The following NUMA1 variants were observed in gnomAD, a reference collection of about 807,000 sequenced individuals.
The protein encoded by NUMA1 is nuclear mitotic apparatus protein 1.
NUMA1 carries 62 observed loss-of-function variants against 237.1 expected under a neutral mutation model. That is an observed-to-expected ratio of 0.26 (90% confidence interval 0.21 to 0.32). The LOEUF is 0.32. Among genes scored for constraint, NUMA1 ranks in the 10% least tolerant of loss-of-function variants. NUMA1 has a pLI of 1.00. For synonymous variants in NUMA1, 1,028 were observed against 1,066.1 expected, an observed-to-expected ratio of 0.96 and a Z score of 0.70; for missense variants, 2,533 against 2,666.5, an observed-to-expected ratio of 0.95 and a Z score of 1.10.
intron 26 of NUMA1, 21 bp downstream of exon 26, chr11:72,003,866 C>G: frequency 1.2e-6 from 2 of 1,612,072 alleles, no homozygotes; most frequent in Non-Finnish European, 1.7e-6. Context: ...TTTCCCTCCC[C>G]CATCCTGCCA....
intron 2 of NUMA1, among the ~76,000 whole-genome samples, chr11:72,045,738 C>T (rs770372762): frequency 2.0e-4 from 30 of 152,180 alleles, no homozygotes; most frequent in Non-Finnish European, 4.0e-4. Flanking sequence ...CTTCAGCCTC[C>T]CAAAGTGCTA....
chr11:72,015,898 T>C lies in NUMA1; in HGVS notation c.1605A>G (p.Leu535=). The change falls in exon 15 of 27, where the codon CTA becomes CTG. Residue 535 remains leucine, a synonymous_variant. Coordinates refer to ENST00000393695, the MANE Select transcript of NUMA1 (RefSeq NM_006185.4). The surrounding 1 kb of genome is among the most constrained non-coding windows in gnomAD (Gnocchi z 4.0). ...KQQAKEKQAQ[L]AQTLQQQEQA... ...GTTCTTGCTGTTGGAGGGTCTGTGC[T>C]AGCTGGGCCTGCTTCTCTTTGGCCT... 1.9e-6 allele frequency: 3 copies of C among 1,614,048 alleles called. No homozygotes were observed. The highest frequency in any genetic ancestry group is 1.6e-4 in the Middle Eastern group (1 of 6,062).
chr11:72,008,699 G>T lies in NUMA1; in HGVS notation c.5205C>A (p.Leu1735=). ...GGCTGCCTCCTGACCTGGTGATACTGAGTGGGGTCCCCTCCTCGCAGCTCA... is the reference window on the plus strand; with the variant it reads ...GGCTGCCTCCTGACCTGGTGATACTTAGTGGGGTCCCCTCCTCGCAGCTCA... The part of the protein sequence containing the change: ...LDLSCEEGTP[L]SITSKLPRTQ... The change falls in exon 20 of 27, where the codon CTC becomes CTA. Residue 1735 remains leucine (L), a synonymous_variant. Transcript: ENST00000393695. The T allele has an allele frequency of 6.2e-7, 1 of 1,614,144 alleles. No homozygotes were observed. The highest frequency in any genetic ancestry group is 8.5e-7 in the Non-Finnish European group (1 of 1,180,038).
chr11:72,006,748 C>T (rs1304798607), intron 21 of NUMA1, among the ~76,000 whole-genome samples: 1 of 152,164 alleles, frequency 6.6e-6, no homozygotes, highest in African/African-American at 2.4e-5. Context: ...ACACACAGGT[C>T]CCCCCTGCTG....
chr11:72,048,971 T>G (rs530857670), intron 2 of NUMA1, among the ~76,000 whole-genome samples: 2 of 152,264 alleles, frequency 1.3e-5, no homozygotes, highest in African/African-American at 4.8e-5. Context: ...AATGGCTGAT[T>G]AATGAGGCAG....
chr11:72,072,356 G>A (rs1008454740), intron 1 of NUMA1: 6 of 154,648 alleles, frequency 3.9e-5, no homozygotes, highest in African/African-American at 1.4e-4. Flanking sequence ...GTCACAGGAA[G>A]GCACTCAAGT....
chr11:72,037,645 G>T (rs765022736), intron 2 of NUMA1, among the ~76,000 whole-genome samples: 7 of 152,216 alleles, frequency 4.6e-5, no homozygotes, highest in Non-Finnish European at 1.0e-4. Flanking sequence ...ACTAACAGAA[G>T]AAAATAATTA....
intron 10 of NUMA1, 91 bp from the exon 11 acceptor site, chr11:72,018,604 G>A: frequency 4.9e-6 from 6 of 1,218,426 alleles, no homozygotes; most frequent in Non-Finnish European, 7.2e-6. Context: ...AAGGGGAAGG[G>A]AGGAGACGGC....
chr11:72,024,352 G>C lies in NUMA1; in HGVS notation c.130C>G (p.His44Asp). ...SIFIKIIDRI[H>D]GTEEGQQILK... ...ATTTGCTGTCCCTCTTCAGTGCCATGGCTAGAAAAAGAGCAAGTATTAGGA... is the reference window on the plus strand; with the variant it reads ...ATTTGCTGTCCCTCTTCAGTGCCATCGCTAGAAAAAGAGCAAGTATTAGGA... The change falls in exon 5 of 27, where the codon CAT (histidine) becomes GAT (aspartate). Residue 44 changes from histidine (H) to aspartate (D), a missense_variant and splice_region_variant. Physicochemically the swap from His to Asp is moderately conservative, Grantham distance 81. Coordinates refer to ENST00000393695, the MANE Select transcript of NUMA1 (RefSeq NM_006185.4). 6.2e-7 allele frequency: 1 copy of C among 1,614,010 alleles called. No individual in the cohort carries two copies. Among genetic ancestry groups the C allele is most frequent in the Non-Finnish European group, 8.5e-7 (1 of 1,179,886 alleles).
At chr11:72,007,100 C>G (rs904403271) in intron 21 of NUMA1, 89 bp downstream of exon 21, 1 of 1,498,056 alleles carries the variant, frequency 6.7e-7, no homozygotes, top group East Asian at 2.3e-5. Flanking sequence ...GCTCATCCCT[C>G]CCTGCTCCTG....
rs776029699 is a variant in NUMA1 at position 72,004,232 on chromosome 11, G to A, written c.6116C>T (p.Thr2039Ile). ...CTTCAGCCCCAGCCTCACCTGTTTA[G>A]TAGAAGCTGGAGCTGCTTTCTTCTG... is the stretch of plus-strand genomic sequence containing the variant. ...EAQKKAAPAS[T>I]KQADRRQSMA... The change falls in exon 25 of 27, where the codon ACT becomes ATT. Residue 2039 changes from threonine (T) to isoleucine (I), a missense_variant. By Grantham distance (89) the Thr-to-Ile change is moderately conservative. This residue lies in a region of NUMA1 where 795 missense variants were observed against 750.8 expected (regional missense o/e 1.06). Coordinates refer to ENST00000393695, the MANE Select transcript of NUMA1 (RefSeq NM_006185.4). 1.9e-6 allele frequency: 3 copies of A among 1,610,906 alleles called. No individual in the cohort carries two copies. The highest frequency in any genetic ancestry group is 2.5e-6 in the Non-Finnish European group (3 of 1,179,178).
At position 72,023,653 on chromosome 11, in the gene NUMA1, A is replaced by G. The variant is rs760502314; in HGVS notation, c.209-506T>C. 1.6e-4 allele frequency among the ~76,000 whole-genome samples: 24 copies of G among 152,164 alleles called. 1 individual carries two copies. Among genetic ancestry groups the G allele is most frequent in the Non-Finnish European group, 2.2e-4 (15 of 68,026 alleles). ...TTCTCTAGGGGTGGAGATGGCAGCT[A>G]GCTCCCCATGTCAAAGACGAGGACT... On this transcript the variant is annotated intron_variant, in intron 5 of 26. Coordinates refer to ENST00000393695, the MANE Select transcript of NUMA1 (RefSeq NM_006185.4).
intron 19 of NUMA1, 56 bp from the exon 20 acceptor site, chr11:72,008,901 TAGG>T (rs1432620657): frequency 6.2e-7 from 1 of 1,612,756 alleles, no homozygotes; most frequent in Non-Finnish European, 8.5e-7. Flanking sequence ...AGCAGTGGCC[TAGG>T]AGGAGAGGGC....
chr11:72,046,313 G>A (rs1423164782), intron 2 of NUMA1, among the ~76,000 whole-genome samples: 1 of 152,198 alleles, frequency 6.6e-6, no homozygotes, highest in African/African-American at 2.4e-5. Context: ...GGGAGGCCGA[G>A]GCAGGCGGAT....
intron 3 of NUMA1, among the ~76,000 whole-genome samples, chr11:72,031,994 GAGAA>G (rs10580387): frequency 0.66 from 84,663 of 127,376 alleles, 25,904 homozygotes; most frequent in Non-Finnish European, 0.72. Context: ...AAAAAAGAGA[GAGAA>G]AGGAAAAATA....
At chr11:72,004,382 A>C (rs749748795) in intron 24 of NUMA1, 41 bp from the exon 25 acceptor site, 8 of 1,558,438 alleles carry the variant, frequency 5.1e-6, no homozygotes, top group Admixed American at 3.5e-5. Flanking sequence ...TAGCAAGAGG[A>C]GTCACATCTG....
rs1414053005 is a variant in NUMA1, at chr11:72,006,231, G to A, written c.5496C>T (p.Asn1832=). 7 of 1,614,086 alleles carry A rather than the reference G, an allele frequency of 4.3e-6. No homozygotes were observed. In the Admixed American group the frequency reaches 6.7e-5, roughly 15 times the overall value. The change falls in exon 22 of 27, where the codon AAC becomes AAT. Residue 1832 remains asparagine, a synonymous_variant. Transcript: ENST00000393695. ...CAGACCGCGTGCTGTAGAACGATGA[G>A]TTGGCGCTGTCTGGCTCTTCCACAT... The part of the protein sequence containing the change: ...KLDVEEPDSA[N]SSFYSTRSAP...
At chr11:72,041,473 GCT>G (rs1591021226) in intron 2 of NUMA1, 2 of 152,372 alleles carry the variant, frequency 1.3e-5, no homozygotes, top group African/African-American at 4.8e-5. Context: ...CTCCCCCTTC[GCT>G]CTGTTTTCCA....
chr11:72,018,329 A>T, intron 11 of NUMA1, 29 bp from the exon 12 acceptor site: 1 of 1,608,534 alleles, frequency 6.2e-7, no homozygotes, highest in South Asian at 1.1e-5. Context: ...GTGAGAAGAG[A>T]GTATGGGTTC....
Sources: gnomAD v4.1 joint callset for allele counts (sites outside exome capture counted in the v4.1 genomes callset) on GRCh38, gnomAD v4.1.1 for gene constraint, gnomAD v4.1.1 regional missense constraint, Gnocchi (gnomAD v3.1) non-coding constraint, MANE v1.5 for transcripts, NCBI Gene and HGNC (gene_info 2026-07-23, HGNC 2026-07-21) for gene names.